The following WASF2 variants were observed in gnomAD, a reference collection of about 807,000 sequenced individuals.
WASF2 encodes actin-binding protein WASF2.
In WASF2, 14 loss-of-function variants were observed where a neutral mutation model predicts 45.0. The ratio of observed to expected loss-of-function variants is 0.31; its 90% CI spans 0.21 to 0.49. The LOEUF is 0.49. WASF2 is among the 20% of genes least tolerant of loss of function. The pLI, the probability that WASF2 is intolerant of heterozygous loss-of-function variation, is 0.99. For synonymous variants in WASF2, 200 were observed against 236.3 expected (o/e 0.85, Z 1.41); for missense variants, 439 against 636.1 (o/e 0.69, Z 3.33).
chr1:27,437,612 TC>T (rs1197833615), intron 1 of WASF2, among the ~76,000 whole-genome samples: 1 of 152,212 alleles, frequency 6.6e-6, no homozygotes, highest in Non-Finnish European at 1.5e-5. Flanking sequence ...CAGACAAAGT[TC>T]ATTTTACTTT....
At chr1:27,438,344 A>G (rs2017164826) in intron 1 of WASF2, among the ~76,000 whole-genome samples, 1 of 152,254 alleles carries the variant, frequency 6.6e-6, no homozygotes, top group African/African-American at 2.4e-5. Flanking sequence ...CTGGTGGATT[A>G]GCTACAGTGG....
At chr1:27,444,606 T>C (rs375256075) in intron 1 of WASF2, among the ~76,000 whole-genome samples, 6 of 152,202 alleles carry the variant, frequency 3.9e-5, no homozygotes, top group African/African-American at 1.4e-4. Flanking sequence ...CCTCTTTTAT[T>C]TGGTTTCAGT....
intron 1 of WASF2, among the ~76,000 whole-genome samples, chr1:27,468,607 C>G (rs1364489424): frequency 1.3e-5 from 2 of 151,530 alleles, no homozygotes; most frequent in African/African-American, 4.9e-5. Flanking sequence ...CGCCATTGCA[C>G]TCCAGCCTGG....
chr1:27,452,172 C>A (rs1405291934), intron 1 of WASF2, among the ~76,000 whole-genome samples: 1 of 152,322 alleles, frequency 6.6e-6, no homozygotes, highest in East Asian at 1.9e-4. Context: ...TGTCAGCAAT[C>A]TTTTCTTAAT....
chr1:27,454,187 A>ATT (rs869057863), intron 1 of WASF2, among the ~76,000 whole-genome samples: 10 of 12,776 alleles, frequency 7.8e-4, no homozygotes, highest in African/African-American at 1.4e-3. Flanking sequence ...ATATATATAT[A>ATT]TTTTTTTTTT....
At chr1:27,422,751 C>T (rs2016926840) in intron 2 of WASF2, among the ~76,000 whole-genome samples, 1 of 152,008 alleles carries the variant, frequency 6.6e-6, no homozygotes, top group Admixed American at 6.5e-5. Flanking sequence ...TCTACCCCAT[C>T]AAGTTACCAT....
At position 27,408,224 on chromosome 1, in the gene WASF2, A is replaced by T. The variant is rs745616389; in HGVS notation, c.1462T>A (p.Ser488Thr). 6.2e-7 allele frequency: 1 copy of T among 1,614,150 alleles called. No homozygotes were observed. Among genetic ancestry groups the T allele is most frequent in the Non-Finnish European group, 8.5e-7 (1 of 1,180,000 alleles). The change falls in exon 9 of 9, where the codon TCC (serine) becomes ACC (threonine). Residue 488 changes from serine to threonine, a missense_variant. This residue lies in a region of WASF2 where 286 missense variants were observed against 373.5 expected (regional missense o/e 0.77). Coordinates refer to ENST00000618852, the MANE Select transcript of WASF2 (RefSeq NM_006990.5). ...CAGTCGTCCTCATCAAATTCAGAGG[A>T]GTCATCTTCTGAGTCACTGTACTCA... ...AVEYSDSEDD[S>T]SEFDEDDWSD
chr1:27,462,132 C>T (rs900206719), intron 1 of WASF2, among the ~76,000 whole-genome samples: 5 of 151,888 alleles, frequency 3.3e-5, no homozygotes, highest in Non-Finnish European at 5.9e-5. Flanking sequence ...CACATGCCAC[C>T]GTTCCCGGCG....
At chr1:27,462,171 T>C (rs1481273391) in intron 1 of WASF2, among the ~76,000 whole-genome samples, 2 of 151,414 alleles carry the variant, frequency 1.3e-5, no homozygotes, top group Non-Finnish European at 2.9e-5. Context: ...AGAGATGGGG[T>C]TTCTCCATGC....
intron 1 of WASF2, among the ~76,000 whole-genome samples, chr1:27,439,711 G>C (rs918078475): frequency 6.6e-5 from 10 of 152,142 alleles, no homozygotes; most frequent in Non-Finnish European, 4.4e-5. Flanking sequence ...TTAAAGATCT[G>C]AACTGGGGCT....
In WASF2 at chr1:27,485,444, T is replaced by G. The variant is rs573367546; in HGVS notation, c.-44+4542A>C. Among the ~76,000 whole-genome samples the G allele has an allele frequency of 6.6e-5, 10 of 151,502 alleles. No individual in the cohort carries two copies. The South Asian group carries it at 1.9e-3, about 28-fold the overall frequency. ...TGTTTAAAAAAAGAAAAAAAGAAAATAAAAGAAATAAAATTTTTAAAATTA... is the reference window on the plus strand; with the variant it reads ...TGTTTAAAAAAAGAAAAAAAGAAAAGAAAAGAAATAAAATTTTTAAAATTA... On this transcript the variant is annotated intron_variant, in intron 1 of 8. Coordinates refer to ENST00000618852, the MANE Select transcript of WASF2 (RefSeq NM_006990.5).
chr1:27,472,818 G>T (rs1571161900), intron 1 of WASF2, among the ~76,000 whole-genome samples: 1 of 145,442 alleles, frequency 6.9e-6, no homozygotes, highest in Admixed American at 6.8e-5. Flanking sequence ...AAAAAAGGAA[G>T]AAAATTAGTA....
chr1:27,454,435 A>C (rs924711766), intron 1 of WASF2, among the ~76,000 whole-genome samples: 2 of 150,452 alleles, frequency 1.3e-5, no homozygotes, highest in African/African-American at 4.9e-5. Flanking sequence ...CTGCAGCCTC[A>C]AACTCCTGGG....
chr1:27,442,990 C>CAAAAAAAAAAAAA (rs782114128), intron 1 of WASF2, among the ~76,000 whole-genome samples: 1 of 64,242 alleles, frequency 1.6e-5, no homozygotes, highest in Non-Finnish European at 3.1e-5. Context: ...GACTCTGTCT[C>CAAAAAAAAAAAAA]AAAAAAAAAA....
At chr1:27,470,166 A>G (rs576515719) in intron 1 of WASF2, among the ~76,000 whole-genome samples, 39 of 152,240 alleles carry the variant, frequency 2.6e-4, no homozygotes, top group Non-Finnish European at 5.0e-4. Context: ...AGATGAGCGC[A>G]TTATTGCGCC....
intron 1 of WASF2, among the ~76,000 whole-genome samples, chr1:27,473,316 TA>T (rs1222463281): frequency 6.6e-6 from 1 of 151,440 alleles, no homozygotes; most frequent in Non-Finnish European, 1.5e-5. Flanking sequence ...CCGTCTCTAC[TA>T]AAAATACAAA....
intron 1 of WASF2, among the ~76,000 whole-genome samples, chr1:27,432,565 G>T: frequency 7.4e-6 from 1 of 135,010 alleles, no homozygotes; most frequent in South Asian, 2.5e-4. Flanking sequence ...GGAGAATGGT[G>T]TGAACCTGGG....
rs769632617 is a variant in WASF2, at chr1:27,432,193, C to T, written c.-43-3260G>A. ...AAAAAGATTTCCAGGCTCTCTCTCTCACACTTCAAGTTATAGAAAATGTAT... is the reference window on the plus strand; with the variant it reads ...AAAAAGATTTCCAGGCTCTCTCTCTTACACTTCAAGTTATAGAAAATGTAT... On this transcript the variant is annotated intron_variant, in intron 1 of 8. Coordinates refer to ENST00000618852, the MANE Select transcript of WASF2 (RefSeq NM_006990.5). Among the ~76,000 whole-genome samples, 3 of 152,292 alleles carry T rather than the reference C, an allele frequency of 2.0e-5. No individual in the cohort carries two copies. The South Asian group carries it at 6.2e-4, about 32-fold the overall frequency.
At chr1:27,480,920 C>A (rs1328675816) in intron 1 of WASF2, among the ~76,000 whole-genome samples, 1 of 151,216 alleles carries the variant, frequency 6.6e-6, no homozygotes, top group Non-Finnish European at 1.5e-5. Flanking sequence ...TCCCTGTAGT[C>A]CCAATTACTC....
Sources: allele counts gnomAD v4.1 joint callset (sites outside exome capture counted in the v4.1 genomes callset), GRCh38; gene constraint gnomAD v4.1.1; regional missense constraint gnomAD v4.1.1; transcripts MANE v1.5; gene names NCBI Gene and HGNC (gene_info 2026-07-23, HGNC 2026-07-21).